RIMKLA: variants seen among roughly 807,000 people sequenced by gnomAD.
RIMKLA encodes the protein N-acetylaspartylglutamate synthase A.
RIMKLA carries 14 observed loss-of-function variants against 32.7 expected under a neutral mutation model. That is an observed-to-expected ratio of 0.43 (90% CI 0.28 to 0.67). RIMKLA has a LOEUF of 0.67. Ranked by LOEUF, RIMKLA falls within the 30% of genes least tolerant of loss-of-function variation. The pLI, the probability that RIMKLA is intolerant of heterozygous loss-of-function variation, is 0.18. For missense variants in RIMKLA, 410 were observed against 519.0 expected (o/e 0.79, Z 2.04); for synonymous variants, 176 against 204.1 (o/e 0.86, Z 1.18).
Position 42,404,595 on chromosome 1 carries a change from G to C in RIMKLA, c.479G>C (p.Arg160Pro). 6.2e-7 allele frequency: 1 copy of C among 1,604,514 alleles called. No homozygotes were observed. The highest frequency in any genetic ancestry group is 8.5e-7 in the Non-Finnish European group (1 of 1,172,758). ...PVVVKSTRGH[R>P]GKAVFLARDK... Reference sequence around the variant, plus strand: ...GTGGTGAAGAGCACACGAGGCCACCGGGGTCAGTGCCACCTCTCCAGGGCT... The same window carrying C: ...GTGGTGAAGAGCACACGAGGCCACCCGGGTCAGTGCCACCTCTCCAGGGCT... Residue 160 changes from arginine (R) to proline (P), a missense_variant and splice_region_variant, in exon 3 of 5, where the codon CGG (arginine) becomes CCG (proline). Transcript: ENST00000431473.
At chr1:42,408,263 A>G (rs559515905) in intron 3 of RIMKLA, among the ~76,000 whole-genome samples, 1 of 152,182 alleles carries the variant, frequency 6.6e-6, no homozygotes, top group South Asian at 2.1e-4. Context: ...CTCTCCTGTC[A>G]CCTGCCATGT....
intron 1 of RIMKLA, among the ~76,000 whole-genome samples, chr1:42,391,017 A>G (rs777345919): frequency 1.3e-5 from 2 of 152,150 alleles, no homozygotes; most frequent in Non-Finnish European, 2.9e-5. Flanking sequence ...GTACCCGTGG[A>G]TGGTAGCTTC....
intron 1 of RIMKLA, among the ~76,000 whole-genome samples, chr1:42,384,683 G>T (rs12140516): frequency 0.45 from 68,016 of 150,878 alleles, 15,703 homozygotes; most frequent in Middle Eastern, 0.56. Flanking sequence ...AGGTTTAGCT[G>T]CTTTTTACCT....
intron 1 of RIMKLA, among the ~76,000 whole-genome samples, chr1:42,397,937 C>A (rs191826567): frequency 3.9e-5 from 6 of 152,074 alleles, no homozygotes; most frequent in Non-Finnish European, 5.9e-5. Flanking sequence ...GATGTCAGGA[C>A]TGGGAGGGAC....
intron 4 of RIMKLA, among the ~76,000 whole-genome samples, chr1:42,413,376 C>T (rs1386605768): frequency 6.6e-6 from 1 of 150,856 alleles, no homozygotes; most frequent in East Asian, 2.0e-4. Context: ...TGGCGGGCGC[C>T]TGTAGTCCCA....
intron 1 of RIMKLA, among the ~76,000 whole-genome samples, chr1:42,385,767 C>CTTTCTTTG (rs879577451): frequency 1.4e-5 from 1 of 73,682 alleles, no homozygotes; most frequent in African/African-American, 7.5e-5. Flanking sequence ...TTCTTTCTTT[C>CTTTCTTTG]TTTGTTTCTT....
rs1643273916 is a variant in RIMKLA, at chr1:42,418,981, G to A, written c.*4007G>A. On this transcript the variant is annotated 3_prime_UTR_variant, in exon 5 of 5. Coordinates refer to ENST00000431473, the MANE Select transcript of RIMKLA (RefSeq NM_173642.4). ...TAGTCTGAGTGGATGTCTTGGGAAG[G>A]CCCCTGAAAATAGCCATATTTGTCA... 6.6e-6 allele frequency: 1 copy of A among 152,164 alleles called. No homozygotes were observed. The highest frequency in any genetic ancestry group is 1.5e-5 in the Non-Finnish European group (1 of 68,064). 9.4% of individuals were successfully genotyped at this position (152,164 alleles called of 1,614,324 possible). A position where few individuals can be genotyped will look rare whatever the true frequency, so the allele number is the denominator to read the frequency against.
rs778321428 is a variant in RIMKLA at position 42,410,048 on chromosome 1, C to T, written c.546C>T (p.His182=). ...CTGACATCTGCCATCTGATCCGCCACGATGTGCCCTACCTGTTCCAGAAGT... is the reference window on the plus strand; with the variant it reads ...CTGACATCTGCCATCTGATCCGCCATGATGTGCCCTACCTGTTCCAGAAGT... ...HLSDICHLIR[H]DVPYLFQKYV... is the part of the protein sequence containing the mutation. The change falls in exon 4 of 5, where the codon CAC becomes CAT. Residue 182 remains histidine, a synonymous_variant. Transcript: ENST00000431473. The T allele has an allele frequency of 9.9e-6, 16 of 1,614,030 alleles. No individual in the cohort carries two copies. Among genetic ancestry groups the T allele is most frequent in the African/African-American group, 2.7e-5 (2 of 74,906 alleles).
rs948324074 is a variant in RIMKLA at position 42,423,348 on chromosome 1, G to A, written c.*8374G>A. ...AAACTACACAAAAGTGGAGAGAATA[G>A]TAAACTCCCCAGAAAAGGACGTTTC... On this transcript the variant is annotated 3_prime_UTR_variant, in exon 5 of 5. Coordinates refer to ENST00000431473, the MANE Select transcript of RIMKLA (RefSeq NM_173642.4). Among the ~76,000 whole-genome samples the A allele has an allele frequency of 6.6e-6, 1 of 152,134 alleles. No homozygotes were observed. Among genetic ancestry groups the A allele is most frequent in the African/African-American group, 2.4e-5 (1 of 41,430 alleles).
rs1011754310 is a variant in RIMKLA at position 42,418,961 on chromosome 1, T to G, written c.*3987T>G. The G allele has an allele frequency of 6.6e-6, 1 of 152,382 alleles. No individual in the cohort carries two copies. The highest frequency in any genetic ancestry group is 2.1e-4 in the South Asian group (1 of 4,828). 9.4% of individuals were successfully genotyped at this position (152,382 alleles called of 1,614,324 possible). ...GAGGTAAGCCTGTTTGCCATTAGTC[T>G]GAGTGGATGTCTTGGGAAGGCCCCT... is the stretch of plus-strand genomic sequence containing the variant. On this transcript the variant is annotated 3_prime_UTR_variant, in exon 5 of 5. Transcript: ENST00000431473.
intron 1 of RIMKLA, among the ~76,000 whole-genome samples, chr1:42,385,783 G>C (rs368251486): frequency 0.17 from 12,775 of 74,044 alleles, 1,453 homozygotes; most frequent in Middle Eastern, 0.32. Context: ...TTCTTTGTTT[G>C]TTTGTTTCTT....
chr1:42,404,038 C>G (rs1037528177), intron 2 of RIMKLA, among the ~76,000 whole-genome samples: 2 of 151,466 alleles, frequency 1.3e-5, no homozygotes, highest in African/African-American at 4.9e-5. Flanking sequence ...GATGTTTCAC[C>G]ATTTTTTTTT....
At chr1:42,382,689 A>G (rs1467779124) in intron 1 of RIMKLA, among the ~76,000 whole-genome samples, 2 of 152,218 alleles carry the variant, frequency 1.3e-5, no homozygotes, top group Non-Finnish European at 2.9e-5. Context: ...CTGTAAGAGC[A>G]AGAAAATGCT....
intron 3 of RIMKLA, among the ~76,000 whole-genome samples, chr1:42,405,932 G>T (rs770448217): frequency 6.6e-6 from 1 of 152,218 alleles, no homozygotes; most frequent in Non-Finnish European, 1.5e-5. Context: ...GAGTCGTGTT[G>T]AGGAGCAGAG....
Position 42,410,174 on chromosome 1 carries a change from C to T in RIMKLA, c.672C>T (p.Ser224=). ...GCTCCACTGATGGACGGATGCAGAG[C>T]AACTGCTCTCTCGGTAAGGTATAAA... ...LRCSTDGRMQ[S]NCSLGGVGVK... The change falls in exon 4 of 5, where the codon AGC becomes AGT. Residue 224 remains serine (S), a synonymous_variant. Transcript: ENST00000431473. 6.2e-7 allele frequency: 1 copy of T among 1,614,064 alleles called. No individual in the cohort carries two copies. Among genetic ancestry groups the T allele is most frequent in the Non-Finnish European group, 8.5e-7 (1 of 1,179,936 alleles).
In RIMKLA at chr1:42,415,363, G is replaced by A; in HGVS notation, c.*389G>A. ...GATGGAAGCATGTGCAGACGAGGTGGAATGTGACTGCAGTAATAGGTTCTT... is the reference window on the plus strand; with the variant it reads ...GATGGAAGCATGTGCAGACGAGGTGAAATGTGACTGCAGTAATAGGTTCTT... On this transcript the variant is annotated 3_prime_UTR_variant, in exon 5 of 5. Coordinates refer to ENST00000431473, the MANE Select transcript of RIMKLA (RefSeq NM_173642.4). 5.0e-6 allele frequency: 1 copy of A among 201,254 alleles called. No individual in the cohort carries two copies. The highest frequency in any genetic ancestry group is 1.0e-5 in the Non-Finnish European group (1 of 98,414). The allele number at this position is 201,254 out of a possible 1,614,324, so 12.5% of individuals were successfully genotyped here.
At chr1:42,385,871 TTTCTTTCTTTCTTTCTTTCTTTCTTTCC>T (rs1557750059) in intron 1 of RIMKLA, among the ~76,000 whole-genome samples, 1,082 of 94,068 alleles carry the variant, frequency 0.012, 158 homozygotes, top group African/African-American at 0.03. Flanking sequence ...TCTTTCTTTC[TTTCTTTCTTTCTTTCTTTCTTTCTTTCC>T]TTCTTTCCTT....
chr1:42,393,735 C>T (rs1643018413), intron 1 of RIMKLA, among the ~76,000 whole-genome samples: 1 of 152,148 alleles, frequency 6.6e-6, no homozygotes, highest in Non-Finnish European at 1.5e-5. Flanking sequence ...GACACATCTT[C>T]CTCACAACAC....
At position 42,419,666 on chromosome 1, in the gene RIMKLA, G is replaced by C. The variant is rs372072952; in HGVS notation, c.*4692G>C. On this transcript the variant is annotated 3_prime_UTR_variant, in exon 5 of 5. Transcript: ENST00000431473. ...TTCTGGATCAACACGGTGTTGATGT[G>C]CCAGCTGTCAAGGGTTCAGCACTTG... 6.6e-5 allele frequency: 10 copies of C among 152,224 alleles called. No homozygotes were observed. Among genetic ancestry groups the C allele is most frequent in the African/African-American group, 2.2e-4 (9 of 41,422 alleles). 9.4% of individuals were successfully genotyped at this position (152,224 alleles called of 1,614,324 possible). A position where few individuals can be genotyped will look rare whatever the true frequency, so the allele number is the denominator to read the frequency against.
Sources: allele counts gnomAD v4.1 joint callset (sites outside exome capture counted in the v4.1 genomes callset), GRCh38; gene constraint gnomAD v4.1.1; transcripts MANE v1.5; gene names NCBI Gene and HGNC (gene_info 2026-07-23, HGNC 2026-07-21).